NRG3: variants seen among roughly 807,000 people sequenced by gnomAD.
NRG3 encodes neuregulin 3.
A neutral mutation model predicts 66.9 loss-of-function variants in NRG3; 31 were observed. That is an observed-to-expected ratio of 0.46 (90% CI 0.35 to 0.63). NRG3 has a LOEUF of 0.63. NRG3 is among the 20% of genes least tolerant of loss of function. The probability of loss-of-function intolerance (pLI) is 0.00; values close to 1 mark genes in which losing one functional copy is unlikely to be tolerated. For synonymous variants in NRG3, 393 were observed against 359.4 expected, an observed-to-expected ratio of 1.09 and a Z score of -1.06; for missense variants, 910 against 878.9, an observed-to-expected ratio of 1.04 and a Z score of -0.45.
At chr10:82,290,688 G>A (rs1248470226) in intron 1 of NRG3, among the ~76,000 whole-genome samples, 2 of 151,378 alleles carry the variant, frequency 1.3e-5, no homozygotes. Flanking sequence ...AGGCTAGAGT[G>A]CAGTGGCGCG....
At chr10:82,377,457 T>TGCAC (rs2085324841) in intron 2 of NRG3, among the ~76,000 whole-genome samples, 10 of 150,344 alleles carry the variant, frequency 6.7e-5, no homozygotes, top group Non-Finnish European at 1.3e-4. Context: ...TGTGTGTGTG[T>TGCAC]GCGCGAGCGC....
At chr10:82,374,313 G>A (rs973469215) in intron 2 of NRG3, among the ~76,000 whole-genome samples, 2 of 152,136 alleles carry the variant, frequency 1.3e-5, no homozygotes, top group African/African-American at 2.4e-5. Context: ...AGGGAAGGTC[G>A]CTTCCTCAAA....
chr10:82,633,985 G>T (rs2050014930), intron 2 of NRG3, among the ~76,000 whole-genome samples: 1 of 152,140 alleles, frequency 6.6e-6, no homozygotes. Context: ...TTTTAAGAAA[G>T]ATATTAAAAC....
Position 82,070,482 on chromosome 10 carries a change from A to G in NRG3, c.823+194319A>G, listed in dbSNP as rs993587692. 1.6e-4 allele frequency among the ~76,000 whole-genome samples: 24 copies of G among 152,284 alleles called. No homozygotes were observed. The Middle Eastern group carries it at 0.01, about 65-fold the overall frequency. ...TGGATCCTTTTTAGTCATTGGAGCA[A>G]AGTCAAAAACTGTAACAGAAAATAT... On this transcript the variant is annotated intron_variant, in intron 1 of 8. Transcript: ENST00000372141.
At chr10:82,380,887 A>G (rs2085572762) in intron 2 of NRG3, among the ~76,000 whole-genome samples, 1 of 152,162 alleles carries the variant, frequency 6.6e-6, no homozygotes, top group Non-Finnish European at 1.5e-5. Flanking sequence ...CCTAATGGAA[A>G]CAGCCAGATT....
intron 2 of NRG3, among the ~76,000 whole-genome samples, chr10:82,402,252 G>T (rs2136064660): frequency 6.6e-6 from 1 of 152,042 alleles, no homozygotes; most frequent in Admixed American, 6.6e-5. Context: ...TAAGGGTGCT[G>T]GTAGTTATGA....
chr10:82,579,541 G>A (rs916488028), intron 2 of NRG3, among the ~76,000 whole-genome samples: 3 of 151,856 alleles, frequency 2.0e-5, no homozygotes, highest in African/African-American at 4.8e-5. Context: ...ACACATGTGC[G>A]TTTGCGTGTG....
chr10:82,947,683 G>A (rs1310140845), intron 4 of NRG3, among the ~76,000 whole-genome samples: 1 of 152,056 alleles, frequency 6.6e-6, no homozygotes, highest in Non-Finnish European at 1.5e-5. Flanking sequence ...AATGAACAAT[G>A]TTGGGTATCT....
intron 3 of NRG3, among the ~76,000 whole-genome samples, chr10:82,760,571 T>C (rs2059263379): frequency 6.6e-6 from 1 of 152,124 alleles, no homozygotes; most frequent in Non-Finnish European, 1.5e-5. Context: ...ACTGAAGCTT[T>C]AAGTAAGCCT....
At chr10:82,204,068 G>C (rs950463232) in intron 1 of NRG3, among the ~76,000 whole-genome samples, 4 of 152,072 alleles carry the variant, frequency 2.6e-5, no homozygotes, top group African/African-American at 9.7e-5. Context: ...GTATCATTTT[G>C]TATCTTGATT....
intron 2 of NRG3, among the ~76,000 whole-genome samples, chr10:82,716,540 G>C (rs907954572): frequency 3.9e-5 from 6 of 152,128 alleles, no homozygotes; most frequent in African/African-American, 1.2e-4. Flanking sequence ...TGTTAAAAAG[G>C]GTGCAGATAT....
At chr10:82,171,453 T>C (rs750458322) in intron 1 of NRG3, among the ~76,000 whole-genome samples, 1 of 152,054 alleles carries the variant, frequency 6.6e-6, no homozygotes, top group Non-Finnish European at 1.5e-5. Flanking sequence ...TGATAGATGC[T>C]GTATAGAATG....
chr10:81,978,386 A>G (rs1449618424), intron 1 of NRG3, among the ~76,000 whole-genome samples: 1 of 152,222 alleles, frequency 6.6e-6, no homozygotes, highest in Non-Finnish European at 1.5e-5. Flanking sequence ...TGAGAAGCAC[A>G]TCGAAGAGCC....
chr10:82,100,182 A>G (rs1454998605), intron 1 of NRG3, among the ~76,000 whole-genome samples: 1 of 151,976 alleles, frequency 6.6e-6, no homozygotes, highest in Non-Finnish European at 1.5e-5. Flanking sequence ...CTTATCTTTT[A>G]TTTCCAATAT....
chr10:82,727,047 A>T (rs1209137256), intron 2 of NRG3, among the ~76,000 whole-genome samples: 1 of 152,132 alleles, frequency 6.6e-6, no homozygotes, highest in Non-Finnish European at 1.5e-5. Context: ...TGGTGGAAGA[A>T]ATTTCCAAGC....
At chr10:82,762,042 T>C (rs2059348756) in intron 3 of NRG3, among the ~76,000 whole-genome samples, 1 of 151,074 alleles carries the variant, frequency 6.6e-6, no homozygotes, top group East Asian at 2.0e-4. Context: ...TTCTTTCTTT[T>C]CCTTTCTCTC....
intron 2 of NRG3, among the ~76,000 whole-genome samples, chr10:82,363,480 G>A (rs1472640439): frequency 6.6e-6 from 1 of 152,024 alleles, no homozygotes; most frequent in African/African-American, 2.4e-5. Flanking sequence ...TTTTGAGACG[G>A]AGTCTCGCTC....
At chr10:82,953,971 C>A (rs1489143133) in intron 5 of NRG3, among the ~76,000 whole-genome samples, 1 of 130,416 alleles carries the variant, frequency 7.7e-6, no homozygotes, top group Non-Finnish European at 1.7e-5. Flanking sequence ...AAAAAAAAAA[C>A]AATGCAATCA....
intron 3 of NRG3, 22 bp from the exon 4 acceptor site, chr10:82,865,389 T>C (rs1320589890): frequency 2.9e-5 from 46 of 1,612,524 alleles, no homozygotes; most frequent in Non-Finnish European, 3.8e-5. Context: ...TTCCCCTTCC[T>C]TCCATGCTGA....
Sources: gnomAD v4.1 joint callset for allele counts (sites outside exome capture counted in the v4.1 genomes callset) on GRCh38, gnomAD v4.1.1 for gene constraint, MANE v1.5 for transcripts, NCBI Gene and HGNC (gene_info 2026-07-23, HGNC 2026-07-21) for gene names.